Variants in DCLK1 observed in about 807,000 individuals in gnomAD.
The protein encoded by DCLK1 is doublecortin like kinase 1, also known as serine/threonine-protein kinase DCLK1.
A neutral mutation model predicts 86.2 loss-of-function variants in DCLK1; 16 were observed. That is an observed-to-expected ratio of 0.19 (90% confidence interval 0.13 to 0.28). DCLK1 has a LOEUF of 0.28. DCLK1 is among the 10% of genes least tolerant of loss of function. The pLI is 1.00. For synonymous variants in DCLK1, 369 were observed against 370.5 expected (o/e 1.00, Z 0.05); for missense variants, 590 against 940.2 (o/e 0.63, Z 4.87).
intron 8 of DCLK1, among the ~76,000 whole-genome samples, 188 bp downstream of exon 8, chr13:35,835,845 C>T (rs1566558821): frequency 6.6e-6 from 1 of 152,200 alleles, no homozygotes; most frequent in Non-Finnish European, 1.5e-5. Context: ...AGATTGTCCC[C>T]AGGTATCACT....
At chr13:35,847,704 C>T (rs565023644) in intron 6 of DCLK1, 422 of 978,500 alleles carry the variant, frequency 4.3e-4, no homozygotes, top group Middle Eastern at 5.3e-4. Flanking sequence ...GTTGGAAATT[C>T]CCCGGCTGGT....
chr13:35,899,663 A>G (rs1343186), intron 4 of DCLK1, among the ~76,000 whole-genome samples: 92,411 of 152,086 alleles, frequency 0.61, 30,729 homozygotes, highest in Non-Finnish European at 0.75. Context: ...TTTTACTACA[A>G]CACTGTACAG....
chr13:35,805,591 G>A lies in DCLK1; in HGVS notation c.1944+108C>T, dbSNP rs190736437. The A allele has an allele frequency of 1.2e-4, 133 of 1,124,392 alleles. 1 individual carries two copies. In the South Asian group the frequency reaches 1.2e-3, roughly 10 times the overall value. The allele number at this position is 1,124,392 out of a possible 1,614,324, so 69.7% of individuals were successfully genotyped here. A position where few individuals can be genotyped will look rare whatever the true frequency, so the allele number is the denominator to read the frequency against. On this transcript the variant is annotated intron_variant, in intron 15 of 16. Coordinates refer to ENST00000360631, the MANE Select transcript of DCLK1 (RefSeq NM_001330071.2). ...TGAGATTACAGGCGTGAGACACTGCGCCTGGCCCACAACACTTTCAAAAGG... is the reference window on the plus strand; with the variant it reads ...TGAGATTACAGGCGTGAGACACTGCACCTGGCCCACAACACTTTCAAAAGG...
intron 16 of DCLK1, among the ~76,000 whole-genome samples, chr13:35,779,613 C>CA (rs2086487088): frequency 1.3e-5 from 2 of 151,840 alleles, no homozygotes; most frequent in Admixed American, 6.6e-5. Flanking sequence ...AACTCCAACA[C>CA]AAAAAAGAAG....
chr13:35,978,060 A>C (rs1879437754), intron 3 of DCLK1, among the ~76,000 whole-genome samples: 1 of 152,136 alleles, frequency 6.6e-6, no homozygotes, highest in Non-Finnish European at 1.5e-5. Context: ...ATTACTAACG[A>C]TCCATTACAA....
At chr13:36,031,691 C>T (rs182029452) in intron 3 of DCLK1, among the ~76,000 whole-genome samples, 3 of 152,236 alleles carry the variant, frequency 2.0e-5, no homozygotes, top group East Asian at 3.9e-4. Flanking sequence ...TGATGACTTC[C>T]TGGGAGGCTG....
At position 35,863,809 on chromosome 13, in the gene DCLK1, T is replaced by G. The variant is rs116792505; in HGVS notation, c.940+7415A>C. On this transcript the variant is annotated intron_variant, in intron 5 of 16. Coordinates refer to ENST00000360631, the MANE Select transcript of DCLK1 (RefSeq NM_001330071.2). ...ACAAACTGGACTAGTAGTGAGCTGA[T>G]TAGAATTCTCTTCACTTCCTCAGCT... Among the ~76,000 whole-genome samples, 257 of 152,346 alleles carry G rather than the reference T, an allele frequency of 1.7e-3. 1 individual carries two copies. The highest frequency in any genetic ancestry group is 6.0e-3 in the African/African-American group (248 of 41,580).
intron 6 of DCLK1, chr13:35,847,863 G>C (rs2153109409): frequency 1.0e-6 from 1 of 985,214 alleles, no homozygotes; most frequent in East Asian, 1.1e-4. Context: ...AAAATTCTAT[G>C]GCAGTACAGA....
At chr13:35,997,774 T>G (rs1880535567) in intron 3 of DCLK1, among the ~76,000 whole-genome samples, 1 of 152,236 alleles carries the variant, frequency 6.6e-6, no homozygotes, top group South Asian at 2.1e-4. Context: ...TCTCATGGAT[T>G]AACTACTGGC....
chr13:35,901,451 C>T (rs1874351535), intron 4 of DCLK1, among the ~76,000 whole-genome samples: 2 of 121,756 alleles, frequency 1.6e-5, no homozygotes, highest in South Asian at 2.8e-4. Flanking sequence ...GATTGTGCCA[C>T]TGCACTCCAG....
At chr13:35,867,443 C>T (rs1347880152) in intron 5 of DCLK1, among the ~76,000 whole-genome samples, 1 of 152,158 alleles carries the variant, frequency 6.6e-6, no homozygotes, top group Non-Finnish European at 1.5e-5. Flanking sequence ...TTACCTATCA[C>T]AAATTCCAAG....
chr13:35,800,706 T>G (rs2086901187), intron 15 of DCLK1, among the ~76,000 whole-genome samples: 1 of 152,014 alleles, frequency 6.6e-6, no homozygotes, highest in African/African-American at 2.4e-5. Context: ...CTTTCCTTTT[T>G]CTTTCTTTCT....
chr13:36,035,975 TAGG>T (rs1218150622), intron 3 of DCLK1, among the ~76,000 whole-genome samples: 1 of 152,028 alleles, frequency 6.6e-6, no homozygotes, highest in African/African-American at 2.4e-5. Flanking sequence ...GATATTGAGC[TAGG>T]AGGAGGGACT....
chr13:35,824,403 C>T (rs7986554), intron 10 of DCLK1, among the ~76,000 whole-genome samples: 29,122 of 152,086 alleles, frequency 0.19, 3,210 homozygotes, highest in East Asian at 0.4. Context: ...TGGTCTCCAA[C>T]TCCTGGCCTC....
intron 2 of DCLK1, among the ~76,000 whole-genome samples, chr13:36,122,841 GAC>G (rs1465704327): frequency 1.3e-5 from 2 of 152,086 alleles, no homozygotes; most frequent in Admixed American, 6.6e-5. Context: ...TACAATCATA[GAC>G]ACACACATTC....
rs927634366 is a variant in DCLK1, at chr13:35,769,761, C to A, written c.*4774G>T. ...ATCACAGACAAAATATTCAATTTTACATTAAAGCAACATTAAGGGTCTCAA... is the reference window on the plus strand; with the variant it reads ...ATCACAGACAAAATATTCAATTTTAAATTAAAGCAACATTAAGGGTCTCAA... On this transcript the variant is annotated 3_prime_UTR_variant, in exon 17 of 17. Coordinates refer to ENST00000360631, the MANE Select transcript of DCLK1 (RefSeq NM_001330071.2). 1.3e-5 allele frequency: 2 copies of A among 152,164 alleles called. No individual in the cohort carries two copies. The highest frequency in any genetic ancestry group is 2.9e-5 in the Non-Finnish European group (2 of 68,026). 9.4% of individuals were successfully genotyped at this position (152,164 alleles called of 1,614,324 possible).
At chr13:35,967,128 A>G (rs1260217502) in intron 3 of DCLK1, among the ~76,000 whole-genome samples, 2 of 143,260 alleles carry the variant, frequency 1.4e-5, no homozygotes, top group African/African-American at 5.3e-5. Flanking sequence ...CCCATCTGAG[A>G]TGTGAAGAGC....
chr13:35,861,881 A>G (rs1211228242), intron 5 of DCLK1, among the ~76,000 whole-genome samples: 1 of 151,448 alleles, frequency 6.6e-6, no homozygotes, highest in Non-Finnish European at 1.5e-5. Context: ...AAAATACAAA[A>G]AATTAGCCAG....
At chr13:35,934,180 G>A (rs1286080188) in intron 4 of DCLK1, among the ~76,000 whole-genome samples, 9 of 152,186 alleles carry the variant, frequency 5.9e-5, no homozygotes, top group African/African-American at 1.9e-4. Context: ...CAGCCTGGAC[G>A]TTATTGTCCA....
Sources: allele counts gnomAD v4.1 joint callset (sites outside exome capture counted in the v4.1 genomes callset), GRCh38; gene constraint gnomAD v4.1.1; transcripts MANE v1.5; gene names NCBI Gene and HGNC (gene_info 2026-07-23, HGNC 2026-07-21).